NT5DC1: variants seen among roughly 807,000 people sequenced by gnomAD.
NT5DC1 encodes 5'-nucleotidase domain containing 1.
NT5DC1 carries 42 observed loss-of-function variants against 59.4 expected under a neutral mutation model. That is an observed-to-expected ratio of 0.71 (90% CI 0.55 to 0.92). The LOEUF is 0.92. Ranked by LOEUF, NT5DC1 falls within the 40% of genes least tolerant of loss-of-function variation. The pLI is 0.00. For missense variants in NT5DC1, 501 were observed against 537.1 expected, an observed-to-expected ratio of 0.93 and a Z score of 0.66; for synonymous variants, 172 against 188.1, an observed-to-expected ratio of 0.91 and a Z score of 0.70.
intron 6 of NT5DC1, among the ~76,000 whole-genome samples, chr6:116,211,659 A>G (rs1487072370): frequency 6.6e-6 from 1 of 152,128 alleles, no homozygotes; most frequent in Non-Finnish European, 1.5e-5. Context: ...TCCACGAAGT[A>G]TATTTATTCC....
At chr6:116,228,236 C>T (rs1179107353) in intron 8 of NT5DC1, among the ~76,000 whole-genome samples, 2 of 152,142 alleles carry the variant, frequency 1.3e-5, no homozygotes, top group African/African-American at 2.4e-5. Context: ...TGGCCGGGAG[C>T]GGTGGCTCAC....
Position 116,106,343 on chromosome 6 carries a change from CTT to C in NT5DC1, c.185+26_185+27del, listed in dbSNP as rs56295720. The stretch of plus-strand genomic sequence containing the variant: ...AGAGGATTGGGATTTCTGGTAAGTT[CTT>C]TTTTTTTTTTTTTTTTTAAGTCTGT... On this transcript the variant is annotated intron_variant, in intron 2 of 11. Transcript: ENST00000319550. The C allele has an allele frequency of 0.26, 193,712 of 746,010 alleles. 135 individuals carry two copies. Among genetic ancestry groups the C allele is most frequent in the Middle Eastern group, 0.35 (1,309 of 3,720 alleles). 46.2% of individuals were successfully genotyped at this position (746,010 alleles called of 1,614,324 possible). A position where few individuals can be genotyped will look rare whatever the true frequency, so the allele number is the denominator to read the frequency against.
intron 1 of NT5DC1, among the ~76,000 whole-genome samples, chr6:116,102,634 G>GT (rs1216613470): frequency 1.3e-5 from 2 of 152,174 alleles, no homozygotes; most frequent in South Asian, 2.1e-4. Context: ...AAGACAAGAG[G>GT]TTTTTTTACT....
At chr6:116,165,629 C>A (rs11153598) in intron 6 of NT5DC1, among the ~76,000 whole-genome samples, 23,894 of 152,222 alleles carry the variant, frequency 0.16, 2,025 homozygotes, top group East Asian at 0.26. Flanking sequence ...AGATGACCCC[C>A]CTCTACATCT....
chr6:116,120,642 G>C lies in NT5DC1; in HGVS notation c.529+2697G>C, dbSNP rs769587032. ...TGGCCTCTTGGACCTGGAGGCCCTG[G>C]TGGCCCGGTGGGTCCATTGAGGCCC... On this transcript the variant is annotated intron_variant, in intron 6 of 11. Coordinates refer to ENST00000319550, the MANE Select transcript of NT5DC1 (RefSeq NM_152729.3). 15 of 1,548,182 alleles carry C rather than the reference G, an allele frequency of 9.7e-6. No individual in the cohort carries two copies. The African/African-American group carries it at 1.8e-4, about 19-fold the overall frequency.
chr6:116,232,382 C>G (rs930561506), intron 8 of NT5DC1, among the ~76,000 whole-genome samples: 2 of 151,804 alleles, frequency 1.3e-5, no homozygotes, highest in African/African-American at 4.8e-5. Flanking sequence ...TATGTCTCAA[C>G]AAATGTGTAA....
intron 2 of NT5DC1, among the ~76,000 whole-genome samples, chr6:116,107,857 C>A (rs1169859946): frequency 6.6e-6 from 1 of 152,128 alleles, no homozygotes; most frequent in Non-Finnish European, 1.5e-5. Context: ...CAGGCATGAG[C>A]CACCGCGCCT....
At chr6:116,156,448 A>G (rs1780195548) in intron 6 of NT5DC1, among the ~76,000 whole-genome samples, 1 of 152,198 alleles carries the variant, frequency 6.6e-6, no homozygotes, top group Non-Finnish European at 1.5e-5. Context: ...TTAGCTTATT[A>G]TAGTCTGCCT....
At chr6:116,165,334 A>G (rs1200457744) in intron 6 of NT5DC1, among the ~76,000 whole-genome samples, 1 of 152,110 alleles carries the variant, frequency 6.6e-6, no homozygotes, top group Non-Finnish European at 1.5e-5. Flanking sequence ...ACCTTATATC[A>G]TATCTCACTG....
At chr6:116,120,328 T>C in intron 6 of NT5DC1, 3 of 1,614,246 alleles carry the variant, frequency 1.9e-6, no homozygotes, top group Non-Finnish European at 2.5e-6. Flanking sequence ...AAAAATAGTA[T>C]ATTCCTGGTA....
chr6:116,110,231 G>A (rs1350703385), intron 3 of NT5DC1, among the ~76,000 whole-genome samples: 47 of 152,138 alleles, frequency 3.1e-4, no homozygotes, highest in Admixed American at 3.1e-3. Context: ...TCTCTTAACT[G>A]GACAAAAGCA....
chr6:116,163,524 T>A lies in NT5DC1; in HGVS notation c.529+45579T>A, dbSNP rs138837668. Among the ~76,000 whole-genome samples the A allele has an allele frequency of 2.0e-3, 307 of 152,256 alleles. 1 individual carries two copies. The highest frequency in any genetic ancestry group is 7.2e-3 in the African/African-American group (301 of 41,554). On this transcript the variant is annotated intron_variant, in intron 6 of 11. Transcript: ENST00000319550. ...TGAGTCCTCTTTTTTTCTTGTTTAATCTAGTTAGTAGTCTATCAATTTTTG... is the reference window on the plus strand; with the variant it reads ...TGAGTCCTCTTTTTTTCTTGTTTAAACTAGTTAGTAGTCTATCAATTTTTG...
At chr6:116,102,253 G>A (rs1321524279) in intron 1 of NT5DC1, among the ~76,000 whole-genome samples, 5 of 152,176 alleles carry the variant, frequency 3.3e-5, no homozygotes, top group Admixed American at 6.5e-5. Context: ...TCAGGTACAC[G>A]TTAAAGGTCA....
chr6:116,108,636 T>G (rs1241776707), intron 3 of NT5DC1, among the ~76,000 whole-genome samples: 1 of 152,204 alleles, frequency 6.6e-6, no homozygotes, highest in Non-Finnish European at 1.5e-5. Flanking sequence ...AAGGTCTAGT[T>G]CCTTTAAGTT....
intron 8 of NT5DC1, among the ~76,000 whole-genome samples, chr6:116,228,905 C>G (rs951215767): frequency 1.3e-5 from 2 of 152,136 alleles, no homozygotes; most frequent in African/African-American, 4.8e-5. Flanking sequence ...TCCTTCAGCT[C>G]TCTACCACTG....
rs189068194 is a variant in NT5DC1, at chr6:116,141,112, C to T, written c.529+23167C>T. The stretch of plus-strand genomic sequence containing the variant: ...GTGTCATTTAAACTTCAAGGTTTGC[C>T]AACCAGTGGTTGTAAAATGCTGTCT... On this transcript the variant is annotated intron_variant, in intron 6 of 11. Coordinates refer to ENST00000319550, the MANE Select transcript of NT5DC1 (RefSeq NM_152729.3). 1.8e-3 allele frequency among the ~76,000 whole-genome samples: 277 copies of T among 152,200 alleles called. 2 individuals are homozygous for T. The highest frequency in any genetic ancestry group is 5.8e-3 in the African/African-American group (239 of 41,506).
intron 11 of NT5DC1, 100 bp from the exon 12 acceptor site, chr6:116,243,809 G>C (rs570178142): frequency 1.5e-5 from 8 of 537,366 alleles, no homozygotes; most frequent in Non-Finnish European, 2.7e-5. Flanking sequence ...AAAATTTTAC[G>C]TCTAAAAAAT....
chr6:116,115,692 A>G lies in NT5DC1; in HGVS notation c.366A>G (p.Gly122=). ...GTTTAAAATTTTGTTCTTTTTTAGG[A>G]AAGTATTACTTTTACGACAACTACT... ...LSDTGMACRS[G]KYYFYDNYFD... is the part of the protein sequence containing the mutation. The change falls in exon 5 of 12, where the codon GGA becomes GGG. Residue 122 remains glycine, a splice_region_variant and synonymous_variant. Transcript: ENST00000319550. The G allele has an allele frequency of 6.4e-7, 1 of 1,560,234 alleles. No individual in the cohort carries two copies. The highest frequency in any genetic ancestry group is 8.8e-7 in the Non-Finnish European group (1 of 1,131,382).
At position 116,189,539 on chromosome 6, in the gene NT5DC1, G is replaced by A. The variant is rs909709030; in HGVS notation, c.530-31515G>A. Among the ~76,000 whole-genome samples, 16 of 151,944 alleles carry A rather than the reference G, an allele frequency of 1.1e-4. 1 individual carries two copies. The highest frequency in any genetic ancestry group is 6.6e-4 in the Admixed American group (10 of 15,254). On this transcript the variant is annotated intron_variant, in intron 6 of 11. Transcript: ENST00000319550. ...AGAAGACACAAATGAACATATAAACGAATGAGTATTGGATGACATTGAGTT... is the reference window on the plus strand; with the variant it reads ...AGAAGACACAAATGAACATATAAACAAATGAGTATTGGATGACATTGAGTT...
Sources: gnomAD v4.1 joint callset for allele counts (sites outside exome capture counted in the v4.1 genomes callset) on GRCh38, gnomAD v4.1.1 for gene constraint, MANE v1.5 for transcripts, NCBI Gene and HGNC (gene_info 2026-07-23, HGNC 2026-07-21) for gene names.